Variants in GRM8 observed in about 807,000 individuals in gnomAD.
GRM8 encodes the protein metabotropic glutamate receptor 8.
A neutral mutation model predicts 87.2 loss-of-function variants in GRM8; 47 were observed. The ratio of observed to expected loss-of-function variants is 0.54; its 90% CI spans 0.43 to 0.69. GRM8 has a LOEUF of 0.69. GRM8 is among the 30% of genes least tolerant of loss of function. GRM8 has a pLI of 0.00. For synonymous variants in GRM8, 396 were observed against 404.5 expected (o/e 0.98, Z 0.25); for missense variants, 1,019 against 1,139.2 (o/e 0.89, Z 1.52).
At chr7:127,219,100 T>C (rs548652228) in intron 2 of GRM8, among the ~76,000 whole-genome samples, 31 of 152,320 alleles carry the variant, frequency 2.0e-4, no homozygotes, top group Middle Eastern at 3.4e-3. Context: ...TGCTTTCCGA[T>C]GGTGAGAACT....
intron 7 of GRM8, among the ~76,000 whole-genome samples, chr7:126,678,090 C>A (rs1807175900): frequency 6.6e-6 from 1 of 152,124 alleles, no homozygotes; most frequent in South Asian, 2.1e-4. Flanking sequence ...ATGTTTTGTT[C>A]AATTTTCTCT....
At chr7:126,650,979 A>G (rs1803787802) in intron 7 of GRM8, among the ~76,000 whole-genome samples, 1 of 152,096 alleles carries the variant, frequency 6.6e-6, no homozygotes, top group Non-Finnish European at 1.5e-5. Flanking sequence ...CTGAGCCCTC[A>G]ATATGGCACC....
At chr7:127,069,717 T>C (rs1242623178) in intron 3 of GRM8, among the ~76,000 whole-genome samples, 1 of 152,232 alleles carries the variant, frequency 6.6e-6, no homozygotes, top group Non-Finnish European at 1.5e-5. Context: ...CTAAAGGAGA[T>C]AAATATTCCT....
At chr7:127,085,262 G>T (rs11772967) in intron 3 of GRM8, among the ~76,000 whole-genome samples, 2 of 152,030 alleles carry the variant, frequency 1.3e-5, no homozygotes, top group African/African-American at 4.8e-5. Flanking sequence ...GAATAGTGCC[G>T]CAATAAACAT....
At chr7:126,574,251 C>T (rs139875899) in intron 8 of GRM8, among the ~76,000 whole-genome samples, 1,845 of 152,284 alleles carry the variant, frequency 0.012, 36 homozygotes, top group African/African-American at 0.042. Flanking sequence ...TATACCATTA[C>T]ATCAAAACCA....
intron 6 of GRM8, among the ~76,000 whole-genome samples, chr7:126,895,162 T>C (rs1244690243): frequency 1.3e-5 from 2 of 152,050 alleles, no homozygotes; most frequent in Non-Finnish European, 1.5e-5. Context: ...TATTATACTT[T>C]ACTGATTTGA....
intron 2 of GRM8, among the ~76,000 whole-genome samples, chr7:127,227,606 C>T (rs1434322403): frequency 6.6e-6 from 1 of 152,148 alleles, no homozygotes; most frequent in Non-Finnish European, 1.5e-5. Flanking sequence ...CCCTAACATC[C>T]AAATAAGTTC....
chr7:126,535,406 T>C (rs1815540559), intron 8 of GRM8, among the ~76,000 whole-genome samples: 2 of 152,126 alleles, frequency 1.3e-5, no homozygotes, highest in African/African-American at 4.8e-5. Flanking sequence ...AATTCTTGGC[T>C]CCACCCAGGA....
intron 10 of GRM8, among the ~76,000 whole-genome samples, chr7:126,443,629 T>C (rs1801702471): frequency 6.6e-6 from 1 of 151,988 alleles, no homozygotes; most frequent in African/African-American, 2.4e-5. Flanking sequence ...CAATTAAACT[T>C]TTTTTTCAGG....
At chr7:126,535,491 GTT>G (rs1815554217) in intron 8 of GRM8, among the ~76,000 whole-genome samples, 1 of 152,214 alleles carries the variant, frequency 6.6e-6, no homozygotes, top group Non-Finnish European at 1.5e-5. Flanking sequence ...CTCCATGACT[GTT>G]CCTGCAGAGC....
At chr7:126,753,619 T>C (rs1376511754) in intron 7 of GRM8, among the ~76,000 whole-genome samples, 1 of 151,864 alleles carries the variant, frequency 6.6e-6, no homozygotes, top group Admixed American at 6.6e-5. Context: ...AATTTTCCAC[T>C]GAGTATTGAA....
At chr7:126,608,263 A>G (rs1229551318) in intron 8 of GRM8, among the ~76,000 whole-genome samples, 3 of 151,920 alleles carry the variant, frequency 2.0e-5, no homozygotes, top group Admixed American at 6.6e-5. Flanking sequence ...AGCTCTCCCC[A>G]AATCCCCCAA....
At chr7:126,874,337 A>AAT (rs2130927161) in intron 6 of GRM8, among the ~76,000 whole-genome samples, 1 of 152,224 alleles carries the variant, frequency 6.6e-6, no homozygotes, top group East Asian at 1.9e-4. Flanking sequence ...TCCTAATTTC[A>AAT]GTCATCAAAT....
At chr7:126,576,309 G>A (rs2237744) in intron 8 of GRM8, among the ~76,000 whole-genome samples, 19,521 of 151,942 alleles carry the variant, frequency 0.13, 1,555 homozygotes, top group South Asian at 0.17. Flanking sequence ...TTGAGGCAGG[G>A]TCTCACTCTG....
chr7:127,155,113 G>A (rs2116148796), intron 2 of GRM8, among the ~76,000 whole-genome samples: 1 of 152,258 alleles, frequency 6.6e-6, no homozygotes, highest in South Asian at 2.1e-4. Flanking sequence ...TACGTTCCAA[G>A]GAGGACTTAG....
chr7:127,217,199 G>T (rs1208368698), intron 2 of GRM8, among the ~76,000 whole-genome samples: 1 of 152,124 alleles, frequency 6.6e-6, no homozygotes, highest in Non-Finnish European at 1.5e-5. Context: ...AAGTGCATCA[G>T]AGGAAAGGTG....
At chr7:126,799,904 T>A (rs1822459041) in intron 6 of GRM8, among the ~76,000 whole-genome samples, 1 of 152,058 alleles carries the variant, frequency 6.6e-6, no homozygotes, top group African/African-American at 2.4e-5. Flanking sequence ...TTGAGGCAAA[T>A]CAGCACAAAA....
In GRM8 at chr7:127,114,404, C is replaced by A. The variant is rs141962010; in HGVS notation, c.511-7692G>T. ...CCAACATGAGCTCAGTAAGACCAAG[C>A]AAAGCTTTACATACACACCTGCACA... is the stretch of plus-strand genomic sequence containing the variant. On this transcript the variant is annotated intron_variant, in intron 2 of 10. Transcript: ENST00000339582. Among the ~76,000 whole-genome samples the A allele has an allele frequency of 9.0e-3, 1,377 of 152,230 alleles. 5 individuals are homozygous for A. Among genetic ancestry groups the A allele is most frequent in the Non-Finnish European group, 0.014 (939 of 68,022 alleles).
At chr7:126,787,754 T>C (rs1474318227) in intron 6 of GRM8, among the ~76,000 whole-genome samples, 1 of 152,176 alleles carries the variant, frequency 6.6e-6, no homozygotes, top group Non-Finnish European at 1.5e-5. Flanking sequence ...GTGGTCGATA[T>C]CTTTTTTTTA....
Sources: gnomAD v4.1 joint callset for allele counts (sites outside exome capture counted in the v4.1 genomes callset) on GRCh38, gnomAD v4.1.1 for gene constraint, MANE v1.5 for transcripts, NCBI Gene and HGNC (gene_info 2026-07-23, HGNC 2026-07-21) for gene names.